TOR1AIP2: variants seen among roughly 807,000 people sequenced by gnomAD.
TOR1AIP2 encodes torsin-1A-interacting protein 2.
In TOR1AIP2, 20 loss-of-function variants were observed where a neutral mutation model predicts 32.6. The ratio of observed to expected loss-of-function variants is 0.61; its 90% CI spans 0.43 to 0.89. The LOEUF (loss-of-function observed/expected upper bound fraction) is 0.89. TOR1AIP2 is among the 40% of genes least tolerant of loss of function. TOR1AIP2 has a pLI of 0.00. For synonymous variants in TOR1AIP2, 214 were observed against 210.8 expected (o/e 1.02, Z -0.13); for missense variants, 456 against 553.8 (o/e 0.82, Z 1.77).
At chr1:179,876,863 G>A (rs1406725441) in intron 2 of TOR1AIP2, among the ~76,000 whole-genome samples, 1 of 152,098 alleles carries the variant, frequency 6.6e-6, no homozygotes, top group African/African-American at 2.4e-5. Flanking sequence ...TTTGTTAAAA[G>A]AAGGAAAAGG....
chr1:179,872,550 T>C (rs577204218), intron 2 of TOR1AIP2, among the ~76,000 whole-genome samples: 2 of 152,346 alleles, frequency 1.3e-5, no homozygotes, highest in African/African-American at 2.4e-5. Flanking sequence ...TGAAAGAAGT[T>C]TGAAAAAGTA....
intron 2 of TOR1AIP2, among the ~76,000 whole-genome samples, chr1:179,876,989 T>G (rs80290570): frequency 1.4e-5 from 1 of 70,838 alleles, no homozygotes; most frequent in Non-Finnish European, 3.8e-5. Context: ...TTAGCACCAA[T>G]TTTTTTTTTT....
At chr1:179,874,991 G>C (rs1443092478) in intron 2 of TOR1AIP2, 2 of 154,564 alleles carry the variant, frequency 1.3e-5, no homozygotes, top group African/African-American at 2.4e-5. Flanking sequence ...TATGCCCTTG[G>C]TTTTCTTTGT....
intron 3 of TOR1AIP2, among the ~76,000 whole-genome samples, chr1:179,853,123 A>G (rs1696176466): frequency 6.6e-6 from 1 of 152,246 alleles, no homozygotes; most frequent in South Asian, 2.1e-4. Flanking sequence ...AATAAATCTA[A>G]GAGTAGAAAT....
chr1:179,866,394 GTTGT>G (rs1696772547), intron 2 of TOR1AIP2, among the ~76,000 whole-genome samples: 1 of 151,930 alleles, frequency 6.6e-6, no homozygotes, highest in Non-Finnish European at 1.5e-5. Context: ...TCACCATCTA[GTTGT>G]TTGTTATTCT....
At chr1:179,864,685 A>G (rs1696694813) in intron 3 of TOR1AIP2, 3 of 1,495,980 alleles carry the variant, frequency 2.0e-6, no homozygotes, top group Non-Finnish European at 1.8e-6. Context: ...AAGTAGTGAC[A>G]ATCTGGGTCA....
intron 5 of TOR1AIP2, 59 bp downstream of exon 5, chr1:179,850,786 T>C: frequency 1.3e-6 from 2 of 1,543,946 alleles, no homozygotes; most frequent in Admixed American, 4.0e-5. Context: ...TGACTTCTGC[T>C]GTGTTCTCAG....
chr1:179,876,846 T>A (rs1391402063), intron 2 of TOR1AIP2, among the ~76,000 whole-genome samples: 1 of 152,218 alleles, frequency 6.6e-6, no homozygotes, highest in Non-Finnish European at 1.5e-5. Flanking sequence ...TAGAGAGTAC[T>A]ATGAAATTTG....
chr1:179,867,464 C>G (rs2148452316), intron 2 of TOR1AIP2: 1 of 152,238 alleles, frequency 6.6e-6, no homozygotes, highest in Middle Eastern at 3.4e-3. Flanking sequence ...TCTTGGGTCT[C>G]TAGTCATGGT....
Position 179,841,325 on chromosome 1 carries a change from T to A in TOR1AIP2, c.*4746A>T, listed in dbSNP as rs572334493. 2 of 152,206 alleles carry A rather than the reference T, an allele frequency of 1.3e-5. No homozygotes were observed. The highest frequency in any genetic ancestry group is 4.8e-5 in the African/African-American group (2 of 41,448). 9.4% of individuals were successfully genotyped at this position (152,206 alleles called of 1,614,324 possible). A position where few individuals can be genotyped will look rare whatever the true frequency, so the allele number is the denominator to read the frequency against. ...CAAGATATTAAAATGGAGACTGACA[T>A]TGAACTACATAGTCAACTTGAAAAA... On this transcript the variant is annotated 3_prime_UTR_variant, in exon 7 of 7. Transcript: ENST00000609928.
rs1238388591 is a variant in TOR1AIP2 at position 179,845,456 on chromosome 1, G to A, written c.*615C>T. 6.6e-6 allele frequency: 1 copy of A among 152,144 alleles called. No homozygotes were observed. The highest frequency in any genetic ancestry group is 1.5e-5 in the Non-Finnish European group (1 of 68,010). The allele number at this position is 152,144 out of a possible 1,614,324, so 9.4% of individuals were successfully genotyped here. A position where few individuals can be genotyped will look rare whatever the true frequency, so the allele number is the denominator to read the frequency against. On this transcript the variant is annotated 3_prime_UTR_variant, in exon 7 of 7. Coordinates refer to ENST00000609928, the MANE Select transcript of TOR1AIP2 (RefSeq NM_001199260.2). ...TTTGAGTACAGCTGCTTATACCTCA[G>A]CTGAATGAAATAAAAGCACAGTGCC...
intron 3 of TOR1AIP2, among the ~76,000 whole-genome samples, chr1:179,858,187 A>G (rs1696378292): frequency 6.6e-6 from 1 of 152,126 alleles, no homozygotes; most frequent in East Asian, 1.9e-4. Flanking sequence ...ACATACATAT[A>G]TATGTTTGTG....
rs11445917 is a variant in TOR1AIP2, at chr1:179,848,034, GA to G, written c.554-399del. 5.9e-3 allele frequency among the ~76,000 whole-genome samples: 510 copies of G among 86,718 alleles called. 3 individuals are homozygous for G. The highest frequency in any genetic ancestry group is 0.011 in the East Asian group (26 of 2,440). The allele number at this position is 86,718 out of a possible 152,430, so 56.9% of individuals were successfully genotyped here. A position where few individuals can be genotyped will look rare whatever the true frequency, so the allele number is the denominator to read the frequency against. On this transcript the variant is annotated intron_variant, in intron 5 of 6. Coordinates refer to ENST00000609928, the MANE Select transcript of TOR1AIP2 (RefSeq NM_001199260.2). ...GGGGACAGAGCAAGACTCCATCTCA[GA>G]AAAAAAAAAAAAAAAAACCAAAGTT...
At chr1:179,865,193 A>G in intron 3 of TOR1AIP2, 2 of 1,576,206 alleles carry the variant, frequency 1.3e-6, no homozygotes, top group South Asian at 2.4e-5. Flanking sequence ...CTAGAAAGAC[A>G]ACACAGACAG....
chr1:179,874,729 C>T (rs537996874), intron 2 of TOR1AIP2: 1 of 152,336 alleles, frequency 6.6e-6, no homozygotes, highest in South Asian at 2.1e-4. Flanking sequence ...TGCCACTGCA[C>T]TCCAGCCTGG....
chr1:179,853,657 GC>G lies in TOR1AIP2; in HGVS notation c.-146-847del, dbSNP rs1204816463. 6.6e-5 allele frequency among the ~76,000 whole-genome samples: 10 copies of G among 152,192 alleles called. No homozygotes were observed. In the East Asian group the frequency reaches 1.5e-3, roughly 23 times the overall value. On this transcript the variant is annotated intron_variant, in intron 3 of 6. Coordinates refer to ENST00000609928, the MANE Select transcript of TOR1AIP2 (RefSeq NM_001199260.2). ...GCCTAGCTGGAAGGCTAGCCAACTG[GC>G]CGTCTTTATGTTTTTCTCAGTACTC...
rs566825118 is a variant in TOR1AIP2 at position 179,859,337 on chromosome 1, A to G, written c.-147+6099T>C. ...TAGAGATGAGGAAACTGAGATACAG[A>G]AAAGTTAAGAACGTTACCCAAGAAC... On this transcript the variant is annotated intron_variant, in intron 3 of 6. Transcript: ENST00000609928. 7.7e-6 allele frequency: 7 copies of G among 913,828 alleles called. No homozygotes were observed. The South Asian group carries it at 2.5e-4, about 33-fold the overall frequency. 56.6% of individuals were successfully genotyped at this position (913,828 alleles called of 1,614,324 possible).
At chr1:179,868,834 AAT>A (rs1696898117) in intron 2 of TOR1AIP2, 12 of 152,140 alleles carry the variant, frequency 7.9e-5, no homozygotes, top group African/African-American at 2.9e-4. Context: ...ATATAAAATT[AAT>A]GTGTTGTTTA....
Position 179,861,303 on chromosome 1 carries a change from G to A in TOR1AIP2, c.-147+4133C>T, listed in dbSNP as rs1696520981. ...ATTCATTATTCATATCAACTATGGA[G>A]TATTCTAGAATAACCTGCAATATTT... On this transcript the variant is annotated intron_variant, in intron 3 of 6. Transcript: ENST00000609928. The A allele has an allele frequency of 1.4e-5, 14 of 984,796 alleles. No individual in the cohort carries two copies. In the South Asian group the frequency reaches 5.6e-4, roughly 40 times the overall value. The allele number at this position is 984,796 out of a possible 1,614,324, so 61.0% of individuals were successfully genotyped here.
Sources: allele counts gnomAD v4.1 joint callset (sites outside exome capture counted in the v4.1 genomes callset), GRCh38; gene constraint gnomAD v4.1.1; transcripts MANE v1.5; gene names NCBI Gene and HGNC (gene_info 2026-07-23, HGNC 2026-07-21).